LARS2: variants seen among roughly 807,000 people sequenced by gnomAD.
LARS2 encodes the protein leucyl-tRNA synthetase 2, mitochondrial.
A neutral mutation model predicts 116.6 loss-of-function variants in LARS2; 81 were observed. The observed-to-expected ratio is 0.69, with a 90% CI of 0.58 to 0.84. The LOEUF (loss-of-function observed/expected upper bound fraction) is 0.84, where lower values mean the gene tolerates loss of function less well. Ranked by LOEUF, LARS2 falls within the 40% of genes least tolerant of loss-of-function variation. The pLI, the probability that LARS2 is intolerant of heterozygous loss-of-function variation, is 0.00. For synonymous variants in LARS2, 396 were observed against 407.2 expected, an observed-to-expected ratio of 0.97 and a Z score of 0.33; for missense variants, 968 against 1,114.5, an observed-to-expected ratio of 0.87 and a Z score of 1.87.
intron 14 of LARS2, 142 bp from the exon 15 acceptor site, chr3:45,500,300 C>G (rs1306339479): frequency 3.4e-6 from 3 of 873,660 alleles, no homozygotes; most frequent in Non-Finnish European, 5.1e-6. Context: ...CCGCGCCCGG[C>G]CTTCTCTTAT....
At chr3:45,457,292 G>C (rs1274427313) in intron 7 of LARS2, among the ~76,000 whole-genome samples, 1 of 152,222 alleles carries the variant, frequency 6.6e-6, no homozygotes, top group Non-Finnish European at 1.5e-5. Flanking sequence ...AGGTCGCAGA[G>C]GTCAACTTCT....
chr3:45,477,021 G>A (rs1323694124), intron 10 of LARS2, among the ~76,000 whole-genome samples: 2 of 152,170 alleles, frequency 1.3e-5, no homozygotes, highest in South Asian at 2.1e-4. Context: ...AGACCAAAGG[G>A]AAGCCAGTAA....
rs764326133 is a variant in LARS2, at chr3:45,417,538, C to T, written c.420C>T (p.Val140=). The T allele has an allele frequency of 5.6e-6, 9 of 1,613,678 alleles. No individual in the cohort carries two copies. The highest frequency in any genetic ancestry group is 6.8e-6 in the Non-Finnish European group (8 of 1,179,790). The stretch of plus-strand genomic sequence containing the variant: ...GATTGCCTGCTGAAAATGCCGCAGT[C>T]GAGAGGAATCTACATCCACAAAGTT... ...AFGLPAENAA[V]ERNLHPQSWT... The change falls in exon 5 of 22, where the codon GTC becomes GTT. Residue 140 remains valine, a synonymous_variant. Coordinates refer to ENST00000645846, the MANE Select transcript of LARS2 (RefSeq NM_015340.4).
chr3:45,410,226 A>C (rs1321424842), intron 4 of LARS2, among the ~76,000 whole-genome samples: 4 of 152,044 alleles, frequency 2.6e-5, no homozygotes, highest in African/African-American at 9.7e-5. Flanking sequence ...AATTTAAAGC[A>C]CAGCTGGAAG....
At chr3:45,511,400 T>C (rs1700286894) in intron 15 of LARS2, among the ~76,000 whole-genome samples, 1 of 152,186 alleles carries the variant, frequency 6.6e-6, no homozygotes, top group Admixed American at 6.5e-5. Context: ...GCAGTCAGGC[T>C]ATAGGGGCCC....
At chr3:45,415,503 C>G (rs750372210) in intron 4 of LARS2, among the ~76,000 whole-genome samples, 1 of 152,092 alleles carries the variant, frequency 6.6e-6, no homozygotes, top group Admixed American at 6.6e-5. Context: ...ACACATGGAA[C>G]CTTTCTTATA....
intron 20 of LARS2, among the ~76,000 whole-genome samples, chr3:45,540,746 G>GTCTATCTATCTA (rs3085493): frequency 1.8e-4 from 27 of 149,222 alleles, no homozygotes; most frequent in African/African-American, 5.2e-4. Context: ...GTATCTATCT[G>GTCTATCTATCTA]TCTATCTATC....
At chr3:45,472,002 TGTTA>T (rs1559479950) in intron 8 of LARS2, among the ~76,000 whole-genome samples, 1 of 152,228 alleles carries the variant, frequency 6.6e-6, no homozygotes. Context: ...AATCCATTGA[TGTTA>T]GTTAGGCAAC....
intron 6 of LARS2, among the ~76,000 whole-genome samples, chr3:45,442,768 T>TAA (rs2125701628): frequency 6.6e-6 from 1 of 152,318 alleles, no homozygotes; most frequent in Non-Finnish European, 1.5e-5. Flanking sequence ...GCCTCCATCT[T>TAA]TCCACTTTTG....
At chr3:45,449,237 A>T (rs1259570807) in intron 7 of LARS2, among the ~76,000 whole-genome samples, 1 of 143,292 alleles carries the variant, frequency 7.0e-6, no homozygotes, top group African/African-American at 2.6e-5. Context: ...ATCTCAGCTC[A>T]CTGCAACCTC....
intron 15 of LARS2, among the ~76,000 whole-genome samples, chr3:45,512,171 T>G (rs1200646090): frequency 6.6e-6 from 1 of 152,186 alleles, no homozygotes; most frequent in Non-Finnish European, 1.5e-5. Flanking sequence ...AAAATTTACC[T>G]TGAGCAACCA....
intron 18 of LARS2, 86 bp from the exon 19 acceptor site, chr3:45,520,132 CT>C (rs564158098): frequency 5.4e-4 from 470 of 871,640 alleles, no homozygotes; most frequent in Middle Eastern, 6.7e-4. Context: ...ATTCATTTTC[CT>C]TTTTTTTTGT....
chr3:45,459,009 G>T, intron 8 of LARS2, 123 bp downstream of exon 8: 1 of 947,774 alleles, frequency 1.1e-6, no homozygotes, highest in Non-Finnish European at 1.6e-6. Flanking sequence ...GGGAGCCATG[G>T]ATGTACAGAC....
Position 45,547,651 on chromosome 3 carries a change from T to C in LARS2, c.*121T>C. On this transcript the variant is annotated 3_prime_UTR_variant, in exon 22 of 22. Transcript: ENST00000645846. ...AAGACAAATGTCTTGACTGTTGACC[T>C]CGGTCCTGTGGCAGACTGCAGTCAA... The C allele has an allele frequency of 1.1e-6, 1 of 930,232 alleles. No homozygotes were observed. The highest frequency in any genetic ancestry group is 1.6e-6 in the Non-Finnish European group (1 of 618,658). 57.6% of individuals were successfully genotyped at this position (930,232 alleles called of 1,614,324 possible).
At chr3:45,469,297 A>G (rs953304223) in intron 8 of LARS2, among the ~76,000 whole-genome samples, 13 of 152,176 alleles carry the variant, frequency 8.5e-5, no homozygotes, top group African/African-American at 3.1e-4. Flanking sequence ...TGTATTTGTC[A>G]TGTCTTCTCT....
chr3:45,400,613 G>A (rs1698130410), intron 4 of LARS2, among the ~76,000 whole-genome samples: 1 of 152,152 alleles, frequency 6.6e-6, no homozygotes, highest in South Asian at 2.1e-4. Context: ...GATCAGATGG[G>A]AATGGGGTGA....
chr3:45,475,738 A>G (rs1184629611), intron 9 of LARS2, among the ~76,000 whole-genome samples: 1 of 152,246 alleles, frequency 6.6e-6, no homozygotes, highest in African/African-American at 2.4e-5. Flanking sequence ...GACCACATCT[A>G]TGCCTCTGTG....
chr3:45,444,207 GT>G (rs369740232), intron 6 of LARS2, among the ~76,000 whole-genome samples: 8 of 147,006 alleles, frequency 5.4e-5, no homozygotes, highest in African/African-American at 2.0e-4. Context: ...TAGAGACAGG[GT>G]TTCACCGTGT....
chr3:45,548,576 A>G lies in LARS2; in HGVS notation c.*1046A>G, dbSNP rs1156379888. 1 of 152,264 alleles carries G rather than the reference A, an allele frequency of 6.6e-6. No individual in the cohort carries two copies. Among genetic ancestry groups the G allele is most frequent in the African/African-American group, 2.4e-5 (1 of 41,466 alleles). 9.4% of individuals were successfully genotyped at this position (152,264 alleles called of 1,614,324 possible). On this transcript the variant is annotated 3_prime_UTR_variant, in exon 22 of 22. Coordinates refer to ENST00000645846, the MANE Select transcript of LARS2 (RefSeq NM_015340.4). The stretch of plus-strand genomic sequence containing the variant: ...CTGGCTGTTGGGAAGATGGCCAGGA[A>G]TGGACTCATACCATTGGCACATTAG...
Sources: gnomAD v4.1 joint callset for allele counts (sites outside exome capture counted in the v4.1 genomes callset) on GRCh38, gnomAD v4.1.1 for gene constraint, MANE v1.5 for transcripts, NCBI Gene and HGNC (gene_info 2026-07-23, HGNC 2026-07-21) for gene names.